The following NEK10 variants were observed in gnomAD, a reference collection of about 807,000 sequenced individuals.
NEK10 encodes serine/threonine-protein kinase Nek10.
NEK10 carries 122 observed loss-of-function variants against 159.8 expected under a neutral mutation model. That is an observed-to-expected ratio of 0.76 (90% CI 0.66 to 0.89). The LOEUF (loss-of-function observed/expected upper bound fraction) is 0.89, where lower values mean the gene tolerates loss of function less well. Ranked by LOEUF, NEK10 falls within the 40% of genes least tolerant of loss-of-function variation. The pLI is 0.00. For missense variants in NEK10, 1,342 were observed against 1,323.1 expected (o/e 1.01, Z -0.22); for synonymous variants, 466 against 457.1 (o/e 1.02, Z -0.25).
intron 26 of NEK10, among the ~76,000 whole-genome samples, chr3:27,180,848 C>G (rs971130122): frequency 6.6e-6 from 1 of 152,050 alleles, no homozygotes; most frequent in African/African-American, 2.4e-5. Context: ...GTGGTTTATT[C>G]CTACTCAGCG....
intron 23 of NEK10, chr3:27,255,291 T>C: frequency 2.3e-6 from 1 of 435,362 alleles, no homozygotes; most frequent in Non-Finnish European, 4.6e-6. Context: ...TCTTTGCATC[T>C]TCTCATGAAA....
chr3:27,146,910 T>C (rs555627469), intron 30 of NEK10, among the ~76,000 whole-genome samples: 3 of 152,262 alleles, frequency 2.0e-5, no homozygotes, highest in South Asian at 4.1e-4. Context: ...ACTGTTCAGT[T>C]TAGCTGGTGT....
At chr3:27,159,284 A>G (rs1049394775) in intron 30 of NEK10, among the ~76,000 whole-genome samples, 9 of 152,178 alleles carry the variant, frequency 5.9e-5, no homozygotes, top group Admixed American at 2.0e-4. Flanking sequence ...CTGGAATTTA[A>G]TGTTGTCTTT....
At chr3:27,359,523 T>C (rs9870054) in intron 1 of NEK10, among the ~76,000 whole-genome samples, 93,134 of 152,064 alleles carry the variant, frequency 0.61, 30,603 homozygotes, top group East Asian at 0.87. Context: ...AAATGGAAAA[T>C]CATTTCTCTA....
rs1950048204 is a variant in NEK10, at chr3:27,201,561, T to C, written c.2240A>G (p.Glu747Gly). Residue 747 changes from glutamate (E) to glycine (G), a missense_variant, in exon 25 of 36, where the codon GAA (glutamate) becomes GGA (glycine). By Grantham distance (98) the Glu-to-Gly change is moderately conservative (BLOSUM62 -2). Coordinates refer to ENST00000691995, the MANE Select transcript of NEK10 (RefSeq NM_001394966.1). ...AGAGTAGATACCTTCTGGGACTGGT[T>C]CATATACCGCCTCCACTATCTGCAA... ...LATKIVEAVYEPVPEGIYSEK... is the reference protein window; with the variant it reads ...LATKIVEAVYGPVPEGIYSEK... 1.2e-6 allele frequency: 2 copies of C among 1,613,768 alleles called. No individual in the cohort carries two copies. The highest frequency in any genetic ancestry group is 2.7e-5 in the African/African-American group (2 of 74,912).
chr3:27,254,469 T>G (rs189148788), intron 23 of NEK10, among the ~76,000 whole-genome samples: 157 of 152,322 alleles, frequency 1.0e-3, no homozygotes, highest in African/African-American at 3.7e-3. Context: ...AGATTCTGCT[T>G]TTGGAGAATC....
Position 27,140,773 on chromosome 3 carries a change from G to C in NEK10, c.2970+709C>G, listed in dbSNP as rs1380868433. 3.3e-5 allele frequency among the ~76,000 whole-genome samples: 5 copies of C among 152,100 alleles called. No homozygotes were observed. In the East Asian group the frequency reaches 9.6e-4, roughly 29 times the overall value. On this transcript the variant is annotated intron_variant, in intron 31 of 35. Coordinates refer to ENST00000691995, the MANE Select transcript of NEK10 (RefSeq NM_001394966.1). ...ATCCCAAGTCCCTAGAATAGCATCT[G>C]GCACATAGTAGGCACCTAATAATTA... is the stretch of plus-strand genomic sequence containing the variant.
chr3:27,281,396 G>A (rs1434847084), intron 22 of NEK10, among the ~76,000 whole-genome samples: 3 of 151,860 alleles, frequency 2.0e-5, no homozygotes, highest in East Asian at 3.9e-4. Context: ...AGTGGATAAA[G>A]GGAACATTCT....
In NEK10 at chr3:27,119,845, C is replaced by T. The variant is rs56347478; in HGVS notation, c.3105G>A (p.Pro1035=). The change falls in exon 33 of 36, where the codon CCG becomes CCA. Residue 1035 remains proline (P), a synonymous_variant. Coordinates refer to ENST00000691995, the MANE Select transcript of NEK10 (RefSeq NM_001394966.1). ...CTGCTGTGAAAAAGTTGGGCTCAAT[C>T]GGTTCTGGAGATCCCTGAGATAACT... is the stretch of plus-strand genomic sequence containing the variant. ...IKKLSQGSPE[P]IEPNFFTADY... is the part of the protein sequence containing the mutation. The T allele has an allele frequency of 2.4e-4, 385 of 1,613,810 alleles. 1 individual carries two copies. The South Asian group carries it at 3.1e-3, about 13-fold the overall frequency.
At chr3:27,294,557 G>C (rs943051736) in intron 15 of NEK10, among the ~76,000 whole-genome samples, 52 of 152,250 alleles carry the variant, frequency 3.4e-4, no homozygotes, top group African/African-American at 1.2e-3. Context: ...GTCTTTATCT[G>C]TTTAACAGCA....
Position 27,202,432 on chromosome 3 carries a change from G to A in NEK10, c.2216C>T (p.Thr739Ile), listed in dbSNP as rs1025567782. Reference protein sequence around the residue: ...FYSTNMLSLATKIVEAVYEPV... With the variant: ...FYSTNMLSLAIKIVEAVYEPV... ...CTGTCTCCCAGCGTTGCTTACTTTT[G>A]TAGCCAAGGACAGCATGTTAGTGCT... is the stretch of plus-strand genomic sequence containing the variant. Residue 739 changes from threonine (T) to isoleucine (I), a missense_variant, in exon 24 of 36, where the codon ACA becomes ATA. By Grantham distance (89) the Thr-to-Ile change is moderately conservative (BLOSUM62 -1). Transcript: ENST00000691995. 2 of 1,607,080 alleles carry A rather than the reference G, an allele frequency of 1.2e-6. No homozygotes were observed. The highest frequency in any genetic ancestry group is 1.1e-5 in the South Asian group (1 of 89,826).
At chr3:27,224,754 C>T (rs1029787771) in intron 23 of NEK10, among the ~76,000 whole-genome samples, 4 of 152,086 alleles carry the variant, frequency 2.6e-5, no homozygotes, top group Admixed American at 2.0e-4. Context: ...CTATGGAACC[C>T]GGGCTAAGAT....
At chr3:27,120,264 T>C (rs972000599) in intron 32 of NEK10, among the ~76,000 whole-genome samples, 2 of 152,040 alleles carry the variant, frequency 1.3e-5, no homozygotes, top group African/African-American at 4.8e-5. Context: ...TTTTTTTTCA[T>C]GTATCTGCTT....
At chr3:27,169,399 G>C (rs1187326753) in intron 29 of NEK10, among the ~76,000 whole-genome samples, 1 of 152,038 alleles carries the variant, frequency 6.6e-6, no homozygotes. Flanking sequence ...CATTACTTCT[G>C]ACCATGACTC....
At chr3:27,284,223 T>TA (rs1309948531) in intron 22 of NEK10, among the ~76,000 whole-genome samples, 6 of 151,936 alleles carry the variant, frequency 3.9e-5, no homozygotes, top group Non-Finnish European at 8.8e-5. Context: ...CTGTCTCTAC[T>TA]AAAAATACAA....
In NEK10 at chr3:27,202,391, G is replaced by T. The variant is rs779973908; in HGVS notation, c.2220+37C>A. The T allele has an allele frequency of 6.4e-6, 10 of 1,553,492 alleles. No homozygotes were observed. In the South Asian group the frequency reaches 1.2e-4, roughly 19 times the overall value. On this transcript the variant is annotated intron_variant, in intron 24 of 35. Transcript: ENST00000691995. ...AATAAGAAAAAGAATTGCATTTTTA[G>T]CTACACGAGACCCTTCTGTCTCCCA...
intron 26 of NEK10, among the ~76,000 whole-genome samples, chr3:27,183,701 C>G (rs1037398406): frequency 6.6e-6 from 1 of 152,052 alleles, no homozygotes. Flanking sequence ...GGCTCATTAT[C>G]TGGCATATAT....
rs775892416 is a variant in NEK10 at position 27,314,267 on chromosome 3, C to A, written c.489+30G>T. 14 of 1,561,152 alleles carry A rather than the reference C, an allele frequency of 9.0e-6. No individual in the cohort carries two copies. In the South Asian group the frequency reaches 1.0e-4, roughly 12 times the overall value. Reference sequence around the variant, plus strand: ...TCATAGCAGGCACAAAATGAAAAGGCAAGACCAGCCACCACAAAAGGAATC... The same window carrying A: ...TCATAGCAGGCACAAAATGAAAAGGAAAGACCAGCCACCACAAAAGGAATC... On this transcript the variant is annotated intron_variant, in intron 7 of 35. Transcript: ENST00000691995.
At chr3:27,256,158 AT>A (rs1264735036) in intron 23 of NEK10, 137 bp downstream of exon 23, 1 of 441,030 alleles carries the variant, frequency 2.3e-6, no homozygotes, top group Non-Finnish European at 4.0e-6. Context: ...AGTAATGTGT[AT>A]TACCTAGATA....
Sources: gnomAD v4.1 joint callset for allele counts (sites outside exome capture counted in the v4.1 genomes callset) on GRCh38, gnomAD v4.1.1 for gene constraint, MANE v1.5 for transcripts, NCBI Gene and HGNC (gene_info 2026-07-23, HGNC 2026-07-21) for gene names.